The following NECTIN3 variants were observed in gnomAD, a reference collection of about 807,000 sequenced individuals.
The protein encoded by NECTIN3 is nectin-3.
NECTIN3 carries 8 observed loss-of-function variants against 49.4 expected under a neutral mutation model. The observed-to-expected ratio is 0.16, with a 90% CI of 0.10 to 0.29. The LOEUF (loss-of-function observed/expected upper bound fraction) is 0.29, where lower values mean the gene tolerates loss of function less well. NECTIN3 is among the 10% of genes least tolerant of loss of function. The probability of loss-of-function intolerance (pLI) is 1.00; values close to 1 mark genes in which losing one functional copy is unlikely to be tolerated. For synonymous variants in NECTIN3, 277 were observed against 241.1 expected, an observed-to-expected ratio of 1.15 and a Z score of -1.38; for missense variants, 581 against 654.6, an observed-to-expected ratio of 0.89 and a Z score of 1.23.
intron 1 of NECTIN3, among the ~76,000 whole-genome samples, chr3:111,110,024 T>G (rs2033386523): frequency 6.6e-6 from 1 of 152,066 alleles, no homozygotes; most frequent in African/African-American, 2.4e-5. Flanking sequence ...ATATCACCCT[T>G]TGTAACATAC....
intron 1 of NECTIN3, chr3:111,074,077 G>A (rs370073758): frequency 5.4e-6 from 2 of 368,396 alleles, no homozygotes; most frequent in African/African-American, 4.2e-5. Context: ...ATTCCTGTGT[G>A]CTACTCATTT....
intron 7 of NECTIN3, among the ~76,000 whole-genome samples, chr3:111,165,245 G>A (rs900129710): frequency 2.1e-4 from 32 of 152,088 alleles, no homozygotes; most frequent in African/African-American, 7.5e-4. Context: ...GGGTTTCACT[G>A]TGTTAGCCAG....
intron 1 of NECTIN3, chr3:111,074,308 T>C (rs2031018902): frequency 6.6e-6 from 3 of 455,362 alleles, no homozygotes; most frequent in Non-Finnish European, 1.3e-5. Flanking sequence ...AATAGAGTTA[T>C]AATGATGTTC....
chr3:111,172,503 G>C (rs764821871), intron 7 of NECTIN3, among the ~76,000 whole-genome samples: 35 of 152,138 alleles, frequency 2.3e-4, no homozygotes, highest in African/African-American at 7.0e-4. Context: ...TTCTTTATGT[G>C]CTCATTTTTT....
chr3:111,087,915 C>G (rs567025602), intron 1 of NECTIN3, among the ~76,000 whole-genome samples: 23 of 152,070 alleles, frequency 1.5e-4, no homozygotes, highest in African/African-American at 1.9e-4. Flanking sequence ...GCAGGCTTGT[C>G]TTGAACTCCT....
At chr3:111,181,941 ATCATTAATTTCAGTCCTTTCTT>A (rs2035633779) in intron 7 of NECTIN3, among the ~76,000 whole-genome samples, 2 of 151,816 alleles carry the variant, frequency 1.3e-5, no homozygotes, top group East Asian at 3.9e-4. Context: ...TTAAGCTTAG[ATCATTAATTTCAGTCCTTTCTT>A]CTTTTCTAAT....
At chr3:111,161,013 A>C (rs1392658543) in intron 7 of NECTIN3, among the ~76,000 whole-genome samples, 1 of 152,226 alleles carries the variant, frequency 6.6e-6, no homozygotes, top group African/African-American at 2.4e-5. Context: ...TCTCAAAAAA[A>C]ATGGATCGAG....
At chr3:111,142,382 G>A (rs151079643), downstream of NECTIN3, among the ~76,000 whole-genome samples, 1,832 of 151,926 alleles carry the variant, frequency 0.012, 17 homozygotes, top group South Asian at 0.02. Flanking sequence ...ATGGGAGAAA[G>A]AGGATACATA....
intron 7 of NECTIN3, among the ~76,000 whole-genome samples, chr3:111,173,068 T>C (rs1481366976): frequency 6.6e-6 from 1 of 152,220 alleles, no homozygotes; most frequent in Non-Finnish European, 1.5e-5. Flanking sequence ...AACTGTGCCT[T>C]TTTCTTTAAT....
Position 111,108,967 on chromosome 3 carries a change from T to C in NECTIN3, c.161-3063T>C, listed in dbSNP as rs537298476. Among the ~76,000 whole-genome samples, 47 of 152,292 alleles carry C rather than the reference T, an allele frequency of 3.1e-4. 1 individual carries two copies. In the South Asian group the frequency reaches 8.9e-3, roughly 29 times the overall value. On this transcript the variant is annotated intron_variant, in intron 1 of 5. Coordinates refer to ENST00000485303, the MANE Select transcript of NECTIN3 (RefSeq NM_015480.3). ...ATTGCAGGCTGCTATAACAAAATAC[T>C]GTAAACTGGGCAGCTTAAACAGCAG... is the stretch of plus-strand genomic sequence containing the variant.
chr3:111,134,449 G>T lies in NECTIN3; in HGVS notation c.*234G>T. ...ACTGTCTCAAGATTTAAATTTTAAT[G>T]CAGAGTACTTTATTGGTGTGAGGCA... On this transcript the variant is annotated 3_prime_UTR_variant, in exon 6 of 6. Coordinates refer to ENST00000485303, the MANE Select transcript of NECTIN3 (RefSeq NM_015480.3). 8.4e-7 allele frequency: 1 copy of T among 1,189,870 alleles called. No homozygotes were observed. The highest frequency in any genetic ancestry group is 4.0e-5 in the East Asian group (1 of 25,114). The allele number at this position is 1,189,870 out of a possible 1,614,324, so 73.7% of individuals were successfully genotyped here.
At chr3:111,170,102 C>T (rs1307487375) in intron 7 of NECTIN3, among the ~76,000 whole-genome samples, 1 of 152,132 alleles carries the variant, frequency 6.6e-6, no homozygotes, top group African/African-American at 2.4e-5. Flanking sequence ...AAGTGAAATC[C>T]TCTTTAAACT....
At chr3:111,143,813 C>G (rs886203768) in intron 5 of NECTIN3, among the ~76,000 whole-genome samples, 1 of 151,998 alleles carries the variant, frequency 6.6e-6, no homozygotes, top group Non-Finnish European at 1.5e-5. Flanking sequence ...CTTTATTTCT[C>G]TCTGTGTTCT....
At chr3:111,186,067 T>TA (rs1294659182) in intron 7 of NECTIN3, among the ~76,000 whole-genome samples, 4 of 151,746 alleles carry the variant, frequency 2.6e-5, no homozygotes, top group East Asian at 1.9e-4. Context: ...CTGTACTCCA[T>TA]AAAAAAAACA....
intron 7 of NECTIN3, among the ~76,000 whole-genome samples, chr3:111,156,392 G>C (rs1392537855): frequency 3.3e-5 from 5 of 150,600 alleles, no homozygotes; most frequent in Non-Finnish European, 7.4e-5. Flanking sequence ...TTTTAAAGAG[G>C]CCATTGGTTA....
intron 7 of NECTIN3, among the ~76,000 whole-genome samples, chr3:111,165,941 C>T (rs572018408): frequency 6.6e-6 from 1 of 152,284 alleles, no homozygotes; most frequent in South Asian, 2.1e-4. Flanking sequence ...AAAAAGTTTT[C>T]CTGAGCTGCT....
At chr3:111,123,860 G>T (rs994894423) in intron 4 of NECTIN3, among the ~76,000 whole-genome samples, 4 of 152,112 alleles carry the variant, frequency 2.6e-5, no homozygotes, top group Non-Finnish European at 4.4e-5. Context: ...CCTGTGAATT[G>T]TAAGATGTTT....
chr3:111,193,555 G>A lies in NECTIN3; in HGVS notation c.63+1142G>A, dbSNP rs143535396. The A allele has an allele frequency of 1.1e-3, 730 of 685,396 alleles. 5 individuals are homozygous for A. In the African/African-American group the frequency reaches 0.011, roughly 10 times the overall value. 42.5% of individuals were successfully genotyped at this position (685,396 alleles called of 1,614,324 possible). On this transcript the variant is annotated intron_variant, in intron 1 of 1. Coordinates refer to the NECTIN3 transcript ENST00000485506. ...AGCAAATTTCTTTTCTTCATTAAGC[G>A]TTTCTTAACCACCAGCTGTGTTTGT...
intron 1 of NECTIN3, chr3:111,074,306 TATA>T (rs1270284433): frequency 1.3e-5 from 6 of 455,282 alleles, no homozygotes; most frequent in Middle Eastern, 3.3e-4. Context: ...TTAATAGAGT[TATA>T]ATGATGTTCA....
Sources: gnomAD v4.1 joint callset for allele counts (sites outside exome capture counted in the v4.1 genomes callset) on GRCh38, gnomAD v4.1.1 for gene constraint, MANE v1.5 for transcripts, NCBI Gene and HGNC (gene_info 2026-07-23, HGNC 2026-07-21) for gene names.